The following CAST variants were observed in gnomAD, a reference collection of about 807,000 sequenced individuals.
CAST encodes calpastatin, also known as MIR583 host.
Under a neutral mutation model 119.6 loss-of-function variants are expected in CAST, and 76 were observed. The observed-to-expected ratio is 0.64, with a 90% CI of 0.53 to 0.77. CAST has a LOEUF of 0.77. Among genes scored for constraint, CAST ranks in the 30% least tolerant of loss-of-function variants. The pLI is 0.00. For synonymous variants in CAST, 319 were observed against 331.6 expected (o/e 0.96, Z 0.41); for missense variants, 953 against 946.5 (o/e 1.01, Z -0.09).
chr5:96,043,770 A>T, the CAST span, among the ~76,000 whole-genome samples: 1 of 152,192 alleles, frequency 6.6e-6, no homozygotes. Context: ...CATAAAGGAA[A>T]TAAAAGTATC....
chr5:96,589,382 A>G (rs909690716), intron 1 of CAST, among the ~76,000 whole-genome samples: 3 of 152,212 alleles, frequency 2.0e-5, no homozygotes, highest in Admixed American at 6.5e-5. Context: ...TAGTATGTCA[A>G]TCCTTTTTCT....
the CAST span, among the ~76,000 whole-genome samples, chr5:95,997,697 C>T: frequency 6.6e-6 from 1 of 152,128 alleles, no homozygotes. Flanking sequence ...ATGTCCTGTT[C>T]AGATGACATC....
At chr5:96,561,163 G>A (rs374854495) in intron 1 of CAST, among the ~76,000 whole-genome samples, 28 of 147,168 alleles carry the variant, frequency 1.9e-4, no homozygotes, top group African/African-American at 6.0e-4. Context: ...GAGAACACAT[G>A]GACACAGGAA....
the CAST span, among the ~76,000 whole-genome samples, chr5:96,037,197 C>A: frequency 7.2e-5 from 11 of 152,076 alleles, no homozygotes; most frequent in Non-Finnish European, 1.3e-4. Context: ...ACCTGTGTTC[C>A]CCAATCCCAT....
chr5:96,315,425 A>T, the CAST span, among the ~76,000 whole-genome samples: 1 of 152,188 alleles, frequency 6.6e-6, no homozygotes, highest in East Asian at 1.9e-4. Context: ...ATGTATAGTG[A>T]ACAATGTGAG....
the CAST span, among the ~76,000 whole-genome samples, chr5:96,306,925 T>C: frequency 3.3e-5 from 5 of 152,214 alleles, no homozygotes; most frequent in Non-Finnish European, 7.4e-5. Flanking sequence ...ATGTATATTC[T>C]GTTGGTTTGG....
At chr5:96,299,599 A>G in the CAST span, among the ~76,000 whole-genome samples, 3 of 152,212 alleles carry the variant, frequency 2.0e-5, no homozygotes, top group Middle Eastern at 3.2e-3. Context: ...TGAAGCATGC[A>G]TATTTCATAG....
At chr5:96,685,805 G>A (rs1314956280) in intron 2 of CAST, among the ~76,000 whole-genome samples, 2 of 152,198 alleles carry the variant, frequency 1.3e-5, no homozygotes, top group Non-Finnish European at 2.9e-5. Context: ...GTGGGCCCAA[G>A]GAATCAGTAT....
the CAST span, among the ~76,000 whole-genome samples, chr5:96,185,380 T>C: frequency 6.6e-6 from 1 of 152,242 alleles, no homozygotes; most frequent in Admixed American, 6.5e-5. Context: ...ATTTTTGCTT[T>C]TGTTGCAATT....
chr5:96,623,816 C>T (rs1278747893), intron 1 of CAST, among the ~76,000 whole-genome samples: 1 of 152,168 alleles, frequency 6.6e-6, no homozygotes, highest in Admixed American at 6.5e-5. Context: ...CCTGCCTCAG[C>T]TTCCCATCTG....
chr5:96,675,472 G>C, intron 1 of CAST, 67 bp from the exon 2 acceptor site: 1 of 1,121,248 alleles, frequency 8.9e-7, no homozygotes, highest in Middle Eastern at 2.0e-4. Context: ...TTTAGCCTTT[G>C]GGGATTAAAG....
chr5:96,446,123 T>G, the CAST span, among the ~76,000 whole-genome samples: 1 of 148,410 alleles, frequency 6.7e-6, no homozygotes, highest in Non-Finnish European at 1.5e-5. Context: ...CTCTTTAAAG[T>G]GCTGCGATTA....
At chr5:95,984,763 G>C in the CAST span, among the ~76,000 whole-genome samples, 1 of 152,150 alleles carries the variant, frequency 6.6e-6, no homozygotes, top group Admixed American at 6.5e-5. Flanking sequence ...CTAGATACAA[G>C]TACTGAGTAC....
At chr5:96,106,693 T>A in the CAST span, among the ~76,000 whole-genome samples, 1 of 151,820 alleles carries the variant, frequency 6.6e-6, no homozygotes, top group African/African-American at 2.4e-5. Context: ...AAAAAATGTA[T>A]ATTCTATTGA....
chr5:96,656,760 A>G (rs540972793), intron 1 of CAST, among the ~76,000 whole-genome samples: 9 of 152,260 alleles, frequency 5.9e-5, no homozygotes, highest in Non-Finnish European at 1.3e-4. Flanking sequence ...GGGATCTGGA[A>G]TTCTACTCCA....
rs539320590 is a variant in CAST at position 96,572,187 on chromosome 5, G to T, written c.60+42307G>T. Among the ~76,000 whole-genome samples the T allele has an allele frequency of 6.0e-5, 9 of 149,652 alleles. No homozygotes were observed. In the South Asian group the frequency reaches 1.9e-3, roughly 32 times the overall value. ...CTAGGATTTGAACGTGGCTCTTTCC[G>T]ATGACACAATTTGTGCTATTTTTTT... is the stretch of plus-strand genomic sequence containing the variant. On this transcript the variant is annotated intron_variant, in intron 1 of 11. Transcript: ENST00000505143.
chr5:96,294,018 C>T, the CAST span, among the ~76,000 whole-genome samples: 3 of 152,138 alleles, frequency 2.0e-5, no homozygotes, highest in African/African-American at 7.2e-5. Flanking sequence ...CCTCAGTCTC[C>T]CAAAGTGCTG....
the CAST span, among the ~76,000 whole-genome samples, chr5:96,389,208 G>A: frequency 3.9e-5 from 6 of 152,058 alleles, no homozygotes; most frequent in Non-Finnish European, 5.9e-5. Context: ...TAATAAAAAT[G>A]TATTACATAC....
intron 1 of CAST, among the ~76,000 whole-genome samples, chr5:96,548,019 C>T (rs1043360861): frequency 4.6e-5 from 7 of 152,232 alleles, no homozygotes; most frequent in East Asian, 1.9e-4. Context: ...GCTAAGACTC[C>T]GTCTATTACC....
Sources: gnomAD v4.1 joint callset for allele counts (sites outside exome capture counted in the v4.1 genomes callset) on GRCh38, gnomAD v4.1.1 for gene constraint, MANE v1.5 for transcripts, NCBI Gene and HGNC (gene_info 2026-07-23, HGNC 2026-07-21) for gene names.